GRM7: variants seen among roughly 807,000 people sequenced by gnomAD.
GRM7 encodes glutamate metabotropic receptor 7.
A neutral mutation model predicts 84.5 loss-of-function variants in GRM7; 35 were observed. The observed-to-expected ratio is 0.41, with a 90% CI of 0.32 to 0.55. The LOEUF is 0.55. Among genes scored for constraint, GRM7 ranks in the 20% least tolerant of loss-of-function variants. The pLI is 0.19. For missense variants in GRM7, 1,003 were observed against 1,194.6 expected, an observed-to-expected ratio of 0.84 and a Z score of 2.36; for synonymous variants, 487 against 455.1, an observed-to-expected ratio of 1.07 and a Z score of -0.89.
intron 7 of GRM7, among the ~76,000 whole-genome samples, chr3:7,469,321 G>C (rs572499172): frequency 6.6e-6 from 1 of 152,312 alleles, no homozygotes; most frequent in Admixed American, 6.5e-5. Context: ...CTTGTTCCAA[G>C]TGCAAAGTTA....
At chr3:7,235,597 G>A (rs1697324538) in intron 2 of GRM7, among the ~76,000 whole-genome samples, 1 of 152,184 alleles carries the variant, frequency 6.6e-6, no homozygotes, top group African/African-American at 2.4e-5. Flanking sequence ...TTTACGGAGA[G>A]TGGCAGCACA....
At chr3:7,637,918 G>A (rs916282318) in intron 8 of GRM7, among the ~76,000 whole-genome samples, 10 of 152,196 alleles carry the variant, frequency 6.6e-5, no homozygotes, top group African/African-American at 2.2e-4. Context: ...TTCTGACATC[G>A]ATCTCAGCAG....
At chr3:7,365,275 C>T (rs1203441843) in intron 4 of GRM7, among the ~76,000 whole-genome samples, 3 of 151,750 alleles carry the variant, frequency 2.0e-5, no homozygotes, top group Non-Finnish European at 4.4e-5. Flanking sequence ...TTGAAATTGA[C>T]ATATTGTATA....
At chr3:6,898,480 A>G (rs1221675226) in intron 1 of GRM7, among the ~76,000 whole-genome samples, 1 of 151,980 alleles carries the variant, frequency 6.6e-6, no homozygotes, top group African/African-American at 2.4e-5. Flanking sequence ...GCAGAAATGG[A>G]ACAGGCAGAG....
intron 4 of GRM7, among the ~76,000 whole-genome samples, chr3:7,312,312 A>G (rs1166242046): frequency 6.6e-6 from 1 of 152,084 alleles, no homozygotes; most frequent in African/African-American, 2.4e-5. Context: ...AAAACATGCT[A>G]CTTGGCAGTG....
intron 8 of GRM7, among the ~76,000 whole-genome samples, chr3:7,650,827 C>G (rs1698899985): frequency 6.6e-6 from 1 of 152,222 alleles, no homozygotes; most frequent in African/African-American, 2.4e-5. Context: ...AAGAGATTCT[C>G]CTGCCTCAGC....
chr3:7,532,556 C>T (rs1273624678), intron 7 of GRM7, among the ~76,000 whole-genome samples: 2 of 151,778 alleles, frequency 1.3e-5, no homozygotes, highest in African/African-American at 4.8e-5. Flanking sequence ...TTTTGTTAAT[C>T]TTTTCAAAAA....
chr3:7,251,223 T>C (rs1697972574), intron 2 of GRM7, among the ~76,000 whole-genome samples: 1 of 152,054 alleles, frequency 6.6e-6, no homozygotes, highest in African/African-American at 2.4e-5. Context: ...GTTCAACAAG[T>C]GGTCCTTAAA....
At chr3:7,209,003 T>C (rs906960302) in intron 2 of GRM7, among the ~76,000 whole-genome samples, 1 of 152,196 alleles carries the variant, frequency 6.6e-6, no homozygotes, top group African/African-American at 2.4e-5. Context: ...GAAAATATCA[T>C]GAATGAAAAT....
chr3:7,532,366 G>A (rs1444020046), intron 7 of GRM7, among the ~76,000 whole-genome samples: 2 of 152,218 alleles, frequency 1.3e-5, no homozygotes, highest in Non-Finnish European at 2.9e-5. Flanking sequence ...TATGCGTCCA[G>A]GAATTTATCC....
At chr3:7,319,029 T>G (rs1478061572) in intron 4 of GRM7, among the ~76,000 whole-genome samples, 1 of 152,052 alleles carries the variant, frequency 6.6e-6, no homozygotes, top group East Asian at 1.9e-4. Flanking sequence ...TCATTGAACT[T>G]GCCTTCAACA....
chr3:6,933,997 AAAGT>A (rs1291717392), intron 1 of GRM7, among the ~76,000 whole-genome samples: 6 of 152,186 alleles, frequency 3.9e-5, no homozygotes, highest in Admixed American at 3.9e-4. Flanking sequence ...TAAGTGAGGG[AAAGT>A]AAGGAGCTTT....
At chr3:7,288,057 A>G (rs571759364) in intron 2 of GRM7, among the ~76,000 whole-genome samples, 2 of 152,188 alleles carry the variant, frequency 1.3e-5, no homozygotes, top group South Asian at 4.1e-4. Flanking sequence ...TTATTTACAA[A>G]GTTAAATTCT....
chr3:6,908,049 C>T (rs1299008032), intron 1 of GRM7, among the ~76,000 whole-genome samples: 2 of 151,828 alleles, frequency 1.3e-5, no homozygotes, highest in Non-Finnish European at 2.9e-5. Context: ...AATAACAAAA[C>T]TAAAAAAATA....
chr3:7,412,605 C>A (rs1363169291), intron 4 of GRM7, among the ~76,000 whole-genome samples: 1 of 152,156 alleles, frequency 6.6e-6, no homozygotes, highest in Admixed American at 6.5e-5. Flanking sequence ...TTGGTGTGGT[C>A]TTCACACCAG....
chr3:7,098,843 G>A (rs1559438432), intron 1 of GRM7, among the ~76,000 whole-genome samples: 2 of 151,930 alleles, frequency 1.3e-5, no homozygotes, highest in Non-Finnish European at 2.9e-5. Flanking sequence ...TTAAGGATGA[G>A]ATGAGACTTG....
chr3:7,095,130 A>G (rs1698811153), intron 1 of GRM7, among the ~76,000 whole-genome samples: 1 of 152,150 alleles, frequency 6.6e-6, no homozygotes, highest in Non-Finnish European at 1.5e-5. Flanking sequence ...TAGTAAATGT[A>G]AGAAAGAGAC....
chr3:7,223,849 G>T (rs1234779469), intron 2 of GRM7, among the ~76,000 whole-genome samples: 1 of 152,196 alleles, frequency 6.6e-6, no homozygotes, highest in Non-Finnish European at 1.5e-5. Context: ...CTATGCAGAG[G>T]AACTTGATCT....
intron 6 of GRM7, among the ~76,000 whole-genome samples, chr3:7,453,810 C>T (rs184844245): frequency 4.6e-5 from 7 of 152,210 alleles, no homozygotes; most frequent in East Asian, 1.9e-4. Flanking sequence ...ATAGGCTAAG[C>T]GGGAATACCT....
Sources: gnomAD v4.1 joint callset for allele counts (sites outside exome capture counted in the v4.1 genomes callset) on GRCh38, gnomAD v4.1.1 for gene constraint, MANE v1.5 for transcripts, NCBI Gene and HGNC (gene_info 2026-07-23, HGNC 2026-07-21) for gene names.